Variants in CEP85L observed in about 807,000 individuals in gnomAD.
The protein encoded by CEP85L is centrosomal protein of 85 kDa-like.
CEP85L carries 60 observed loss-of-function variants against 100.3 expected under a neutral mutation model. The observed-to-expected ratio is 0.60, with a 90% CI of 0.49 to 0.74. The LOEUF is 0.74. Among genes scored for constraint, CEP85L ranks in the 30% least tolerant of loss-of-function variants. The pLI is 0.00. For synonymous variants in CEP85L, 319 were observed against 322.7 expected (o/e 0.99, Z 0.12); for missense variants, 973 against 936.2 (o/e 1.04, Z -0.51).
chr6:118,650,334 G>T (rs1252435594), intron 1 of CEP85L, among the ~76,000 whole-genome samples: 1 of 152,150 alleles, frequency 6.6e-6, no homozygotes, highest in Non-Finnish European at 1.5e-5. Context: ...ACATATCACA[G>T]GCAACCCAAG....
intron 1 of CEP85L, among the ~76,000 whole-genome samples, chr6:118,640,317 A>T (rs1291414097): frequency 2.9e-5 from 4 of 137,954 alleles, no homozygotes; most frequent in Non-Finnish European, 4.7e-5. Context: ...TGTTTCTTTT[A>T]TCACAGAATT....
chr6:118,485,252 C>A (rs527644803), intron 6 of CEP85L, among the ~76,000 whole-genome samples: 1 of 152,290 alleles, frequency 6.6e-6, no homozygotes, highest in East Asian at 1.9e-4. Context: ...AATATTTTTA[C>A]AGTGTTTTCC....
chr6:118,691,669 G>A (rs553474117), intron 1 of CEP85L, among the ~76,000 whole-genome samples: 13 of 151,676 alleles, frequency 8.6e-5, no homozygotes, highest in African/African-American at 3.1e-4. Flanking sequence ...AACCCCGGAG[G>A]CGGAGGTTTC....
chr6:118,480,419 G>T lies in CEP85L; in HGVS notation c.1840C>A (p.Gln614Lys), dbSNP rs757384935. 2 of 1,608,586 alleles carry T rather than the reference G, an allele frequency of 1.2e-6. No homozygotes were observed. Among genetic ancestry groups the T allele is most frequent in the Non-Finnish European group, 1.7e-6 (2 of 1,175,874 alleles). Reference protein sequence around the residue: ...QLQNENDNLRQQNETASKIID... With the variant: ...QLQNENDNLRKQNETASKIID... ...ACCTTACTAGCAGTCTCATTTTGTT[G>T]TCTGAGATTATCATTTTCATTCTGA... The change falls in exon 9 of 13, where the codon CAA becomes AAA. Residue 614 changes from glutamine to lysine, a missense_variant. Physicochemically the swap from Gln to Lys is moderately conservative, Grantham distance 53. Coordinates refer to ENST00000368491, the MANE Select transcript of CEP85L (RefSeq NM_001042475.3).
intron 5 of CEP85L, among the ~76,000 whole-genome samples, chr6:118,493,865 A>G (rs999728490): frequency 3.9e-5 from 6 of 152,180 alleles, no homozygotes; most frequent in Non-Finnish European, 5.9e-5. Context: ...AGAAAGATAG[A>G]TATGGAACTC....
At chr6:118,530,261 C>A (rs1777216342) in intron 3 of CEP85L, among the ~76,000 whole-genome samples, 1 of 150,546 alleles carries the variant, frequency 6.6e-6, no homozygotes, top group African/African-American at 2.4e-5. Context: ...TTTTTTTTCA[C>A]AGCCTGCAAA....
At chr6:118,592,321 C>T (rs956412444) in intron 2 of CEP85L, among the ~76,000 whole-genome samples, 1 of 147,942 alleles carries the variant, frequency 6.8e-6, no homozygotes, top group Non-Finnish European at 1.5e-5. Context: ...CATTAACATC[C>T]TCTAGGTCTT....
upstream of CEP85L, among the ~76,000 whole-genome samples, chr6:118,655,752 A>C (rs1775766102): frequency 6.6e-6 from 1 of 152,258 alleles, no homozygotes; most frequent in Non-Finnish European, 1.5e-5. Flanking sequence ...GATTTTCAAC[A>C]GTGTACAGCT....
intron 2 of CEP85L, among the ~76,000 whole-genome samples, chr6:118,597,285 C>G (rs1160528497): frequency 2.0e-5 from 3 of 152,198 alleles, no homozygotes; most frequent in Non-Finnish European, 4.4e-5. Context: ...TGTAGAATAG[C>G]TTCTAAATAA....
chr6:118,613,373 C>T (rs1279446425), intron 2 of CEP85L, among the ~76,000 whole-genome samples: 2 of 152,126 alleles, frequency 1.3e-5, no homozygotes, highest in African/African-American at 2.4e-5. Flanking sequence ...ACAAATGCAA[C>T]GCATCCAATT....
intron 3 of CEP85L, among the ~76,000 whole-genome samples, chr6:118,539,756 A>C (rs1471786774): frequency 2.6e-5 from 4 of 151,952 alleles, no homozygotes; most frequent in African/African-American, 7.3e-5. Context: ...CCCTCCCCCC[A>C]AAAAAAGAAA....
chr6:118,669,483 C>T (rs150167251), intron 1 of CEP85L, among the ~76,000 whole-genome samples: 191 of 152,256 alleles, frequency 1.3e-3, no homozygotes, highest in African/African-American at 4.3e-3. Flanking sequence ...TTAGATGAAG[C>T]ATGGAGACAA....
At chr6:118,488,635 A>T (rs1241620051) in intron 6 of CEP85L, among the ~76,000 whole-genome samples, 1 of 152,162 alleles carries the variant, frequency 6.6e-6, no homozygotes, top group Non-Finnish European at 1.5e-5. Context: ...AATAATGACT[A>T]AAAACTTCCC....
chr6:118,482,298 T>G (rs1196257346), intron 7 of CEP85L, among the ~76,000 whole-genome samples: 1 of 152,164 alleles, frequency 6.6e-6, no homozygotes, highest in East Asian at 1.9e-4. Context: ...GTTGTGCAAC[T>G]AATCTCCAGA....
intron 2 of CEP85L, among the ~76,000 whole-genome samples, chr6:118,584,905 T>C (rs949509226): frequency 2.0e-5 from 3 of 152,200 alleles, no homozygotes; most frequent in African/African-American, 7.2e-5. Context: ...ATTAAAGAAT[T>C]GTTCTCACCT....
intron 3 of CEP85L, among the ~76,000 whole-genome samples, chr6:118,542,932 T>C (rs969059774): frequency 8.2e-5 from 9 of 109,860 alleles, no homozygotes; most frequent in Non-Finnish European, 2.0e-4. Context: ...AACAGGATAT[T>C]CACAGCAACC....
chr6:118,655,929 A>G (rs892295652), upstream of CEP85L, among the ~76,000 whole-genome samples: 4 of 152,246 alleles, frequency 2.6e-5, no homozygotes, highest in African/African-American at 9.6e-5. Flanking sequence ...CAGGAAGTAA[A>G]GAGCTAGAAT....
upstream of CEP85L, chr6:118,651,742 CTTCGCCTCCTTGGCGGCG>C (rs1775583665): frequency 1.0e-6 from 1 of 986,954 alleles, no homozygotes; most frequent in African/African-American, 1.7e-5. Flanking sequence ...CCCGACCCCG[CTTCGCCTCCTTGGCGGCG>C]ACTGGGCTGT....
chr6:118,655,002 C>T (rs1408015958), upstream of CEP85L, among the ~76,000 whole-genome samples: 1 of 152,074 alleles, frequency 6.6e-6, no homozygotes, highest in Non-Finnish European at 1.5e-5. Context: ...CTTTTCCTGA[C>T]CCTTTGGGGT....
Sources: allele counts gnomAD v4.1 joint callset (sites outside exome capture counted in the v4.1 genomes callset), GRCh38; gene constraint gnomAD v4.1.1; transcripts MANE v1.5; gene names NCBI Gene and HGNC (gene_info 2026-07-23, HGNC 2026-07-21).